Variants in DCDC1 observed in about 807,000 individuals in gnomAD.
DCDC1 encodes the protein doublecortin domain containing 1.
In DCDC1, 200 loss-of-function variants were observed where a neutral mutation model predicts 178.3. The ratio of observed to expected loss-of-function variants is 1.12; its 90% CI spans 1.00 to 1.26. The LOEUF (loss-of-function observed/expected upper bound fraction) is 1.26, where lower values mean the gene tolerates loss of function less well. Among genes scored for constraint, DCDC1 ranks in the 50% most tolerant of loss-of-function variants. The pLI, the probability that DCDC1 is intolerant of heterozygous loss-of-function variation, is 0.00. For synonymous variants in DCDC1, 690 were observed against 604.8 expected (o/e 1.14, Z -2.07); for missense variants, 1,983 against 1,749.2 (o/e 1.13, Z -2.38).
At chr11:31,159,846 TTG>T (rs1966130241) in intron 9 of DCDC1, among the ~76,000 whole-genome samples, 1 of 152,228 alleles carries the variant, frequency 6.6e-6, no homozygotes, top group South Asian at 2.1e-4. Context: ...GTCTGTGTCC[TTG>T]TGTTTTGTAC....
chr11:31,304,481 T>C (rs1359068591), intron 6 of DCDC1, among the ~76,000 whole-genome samples: 1 of 152,178 alleles, frequency 6.6e-6, no homozygotes, highest in East Asian at 1.9e-4. Context: ...CACTATCACA[T>C]AGGTAATTTT....
intron 32 of DCDC1, 103 bp downstream of exon 32, chr11:30,903,379 A>G (rs1590298808): frequency 1.7e-6 from 2 of 1,187,946 alleles, no homozygotes; most frequent in East Asian, 5.6e-5. Context: ...GCTTCCTATG[A>G]TTTTGAAATT....
At chr11:30,924,606 G>A (rs1480246843) in intron 23 of DCDC1, among the ~76,000 whole-genome samples, 1 of 152,066 alleles carries the variant, frequency 6.6e-6, no homozygotes, top group Non-Finnish European at 1.5e-5. Flanking sequence ...TCCTGAAAAA[G>A]TGAAATTACC....
chr11:30,998,607 C>T (rs1195134441), intron 20 of DCDC1, among the ~76,000 whole-genome samples: 3 of 152,154 alleles, frequency 2.0e-5, no homozygotes, highest in South Asian at 2.1e-4. Context: ...AACATCATAG[C>T]TATAAATGCT....
At chr11:31,313,535 T>C (rs1364073694) in intron 3 of DCDC1, among the ~76,000 whole-genome samples, 1 of 152,192 alleles carries the variant, frequency 6.6e-6, no homozygotes, top group African/African-American at 2.4e-5. Context: ...TGAGAACTAT[T>C]AATTATATAC....
intron 36 of DCDC1, among the ~76,000 whole-genome samples, chr11:30,888,001 CAAAA>C (rs1217474196): frequency 3.2e-5 from 1 of 31,602 alleles, no homozygotes; most frequent in Admixed American, 3.4e-4. Context: ...AAAATTCCGT[CAAAA>C]AAAAAAAAGA....
At chr11:31,010,864 C>T (rs867377746) in intron 20 of DCDC1, among the ~76,000 whole-genome samples, 19 of 152,140 alleles carry the variant, frequency 1.2e-4, no homozygotes, top group Non-Finnish European at 2.4e-4. Context: ...ACCAGAATTT[C>T]TTGGAGTTAT....
chr11:31,302,753 T>G (rs1948198185), intron 6 of DCDC1, among the ~76,000 whole-genome samples: 1 of 152,154 alleles, frequency 6.6e-6, no homozygotes, highest in Non-Finnish European at 1.5e-5. Context: ...TCAACAGTTA[T>G]GCTCAAAAGG....
chr11:31,285,183 C>CT (rs1346406111), intron 7 of DCDC1, among the ~76,000 whole-genome samples: 1 of 151,832 alleles, frequency 6.6e-6, no homozygotes, highest in African/African-American at 2.4e-5. Context: ...GAAAAGGCAA[C>CT]TGGCTATTCA....
Position 30,931,816 on chromosome 11 carries a change from G to T in DCDC1, c.2852C>A (p.Ser951Tyr). The change falls in exon 22 of 39, where the codon TCC becomes TAC. Residue 951 changes from serine to tyrosine, a missense_variant. Coordinates refer to ENST00000684477, the MANE Select transcript of DCDC1 (RefSeq NM_001387274.1). ...LQNGEKNKNR[S>Y]VTILGPDISP... Reference sequence around the variant, plus strand: ...GATATCTGGACCAAGGATAGTAACGGATCTGTTTTTATTCTTCTCTCCATT... The same window carrying T: ...GATATCTGGACCAAGGATAGTAACGTATCTGTTTTTATTCTTCTCTCCATT... The T allele has an allele frequency of 6.2e-7, 1 of 1,612,758 alleles. No individual in the cohort carries two copies. The highest frequency in any genetic ancestry group is 1.1e-5 in the South Asian group (1 of 91,000).
At chr11:31,267,691 G>T (rs941366122) in intron 7 of DCDC1, among the ~76,000 whole-genome samples, 2 of 152,068 alleles carry the variant, frequency 1.3e-5, no homozygotes, top group African/African-American at 4.8e-5. Flanking sequence ...AGTTCACCTA[G>T]GACCCCCATC....
At chr11:31,285,657 A>G (rs1946767400) in intron 7 of DCDC1, among the ~76,000 whole-genome samples, 1 of 152,170 alleles carries the variant, frequency 6.6e-6, no homozygotes, top group Non-Finnish European at 1.5e-5. Context: ...AATGGTAAAC[A>G]TCATAGAAAT....
intron 36 of DCDC1, among the ~76,000 whole-genome samples, chr11:30,892,157 A>T (rs906738372): frequency 1.3e-5 from 2 of 152,232 alleles, no homozygotes; most frequent in African/African-American, 4.8e-5. Context: ...TATGTGCCTA[A>T]AGTCTTCATT....
At chr11:31,214,592 T>C (rs1490268252) in intron 9 of DCDC1, among the ~76,000 whole-genome samples, 3 of 152,074 alleles carry the variant, frequency 2.0e-5, no homozygotes, top group African/African-American at 7.2e-5. Flanking sequence ...CAGGCTCTGA[T>C]TTCCCCCAAG....
At chr11:31,158,855 A>C (rs191912172) in intron 9 of DCDC1, among the ~76,000 whole-genome samples, 4 of 152,160 alleles carry the variant, frequency 2.6e-5, no homozygotes, top group Non-Finnish European at 4.4e-5. Flanking sequence ...AAGCCCCTCC[A>C]AAGTGTCAAA....
chr11:31,213,041 T>C (rs1029176527), intron 9 of DCDC1, among the ~76,000 whole-genome samples: 2 of 150,082 alleles, frequency 1.3e-5, no homozygotes, highest in Non-Finnish European at 3.0e-5. Flanking sequence ...CCTTATTAGA[T>C]GATCCAGACA....
rs1253298541 is a variant in DCDC1, at chr11:31,339,533, G to GTAATACCTGAATTAACTCTCCAA, written c.-124-3992_-124-3970dup. On this transcript the variant is annotated intron_variant, in intron 1 of 38. Coordinates refer to ENST00000684477, the MANE Select transcript of DCDC1 (RefSeq NM_001387274.1). The stretch of plus-strand genomic sequence containing the variant: ...TCCTTGCCTCATTCAATATATGCTA[G>GTAATACCTGAATTAACTCTCCAA]TAATACCTGAATTAACTCTCCAATA... Among the ~76,000 whole-genome samples the GTAATACCTGAATTAACTCTCCAA allele has an allele frequency of 2.6e-5, 4 of 152,046 alleles. No individual in the cohort carries two copies. In the East Asian group the frequency reaches 5.8e-4, roughly 22 times the overall value.
chr11:30,953,691 AAAT>A (rs1193387438), intron 20 of DCDC1, among the ~76,000 whole-genome samples: 1 of 152,174 alleles, frequency 6.6e-6, no homozygotes, highest in African/African-American at 2.4e-5. Flanking sequence ...TCAGAAAGTC[AAAT>A]ATTAGAATGC....
intron 6 of DCDC1, among the ~76,000 whole-genome samples, chr11:31,291,919 GA>G (rs1168729196): frequency 2.0e-5 from 3 of 151,908 alleles, no homozygotes; most frequent in African/African-American, 7.3e-5. Context: ...TGCTAATATT[GA>G]TATGAAAAAC....
Sources: allele counts gnomAD v4.1 joint callset (sites outside exome capture counted in the v4.1 genomes callset), GRCh38; gene constraint gnomAD v4.1.1; transcripts MANE v1.5; gene names NCBI Gene and HGNC (gene_info 2026-07-23, HGNC 2026-07-21).